Variants in RBMS3 observed in about 807,000 individuals in gnomAD.
RBMS3 encodes RNA binding motif single stranded interacting protein 3.
Under a neutral mutation model 66.8 loss-of-function variants are expected in RBMS3, and 27 were observed. The observed-to-expected ratio is 0.40, with a 90% CI of 0.30 to 0.56. The LOEUF (loss-of-function observed/expected upper bound fraction) is 0.56. RBMS3 is among the 20% of genes least tolerant of loss of function. The pLI, the probability that RBMS3 is intolerant of heterozygous loss-of-function variation, is 0.40. For missense variants in RBMS3, 513 were observed against 549.5 expected (o/e 0.93, Z 0.66); for synonymous variants, 188 against 183.0 (o/e 1.03, Z -0.22).
intron 3 of RBMS3, among the ~76,000 whole-genome samples, chr3:29,524,283 AATC>A (rs1283209799): frequency 6.6e-6 from 1 of 152,102 alleles, no homozygotes; most frequent in Non-Finnish European, 1.5e-5. Context: ...CATAACATGA[AATC>A]ATGCTGTGAT....
chr3:29,858,180 A>AT (rs112614150), intron 6 of RBMS3, among the ~76,000 whole-genome samples: 2 of 152,098 alleles, frequency 1.3e-5, no homozygotes, highest in Non-Finnish European at 2.9e-5. Flanking sequence ...GAATTTACTA[A>AT]TTTTTTACAT....
At chr3:29,844,375 A>G (rs2058730880) in intron 6 of RBMS3, among the ~76,000 whole-genome samples, 2 of 152,250 alleles carry the variant, frequency 1.3e-5, no homozygotes, top group Admixed American at 1.3e-4. Context: ...AGGCTAGTCA[A>G]TAAAGTCTCA....
At chr3:29,636,179 T>A (rs2049466796) in intron 4 of RBMS3, among the ~76,000 whole-genome samples, 1 of 151,796 alleles carries the variant, frequency 6.6e-6, no homozygotes. Context: ...TGTCCAGTTC[T>A]GAGCATTTTA....
intron 8 of RBMS3, among the ~76,000 whole-genome samples, chr3:29,886,987 G>C (rs1395913003): frequency 6.6e-6 from 1 of 151,700 alleles, no homozygotes; most frequent in Non-Finnish European, 1.5e-5. Flanking sequence ...TGGTGAATAA[G>C]ACACACCCAG....
At chr3:29,572,012 A>G (rs1037484041) in intron 3 of RBMS3, among the ~76,000 whole-genome samples, 1 of 152,000 alleles carries the variant, frequency 6.6e-6, no homozygotes, top group Non-Finnish European at 1.5e-5. Context: ...ATTAATTCCT[A>G]AGTATTTAAT....
intron 4 of RBMS3, among the ~76,000 whole-genome samples, chr3:29,665,967 T>C (rs1159469322): frequency 1.3e-5 from 2 of 152,210 alleles, no homozygotes; most frequent in Admixed American, 1.3e-4. Flanking sequence ...CAGAATAATC[T>C]AAAAGGCTCG....
At chr3:29,500,098 A>G (rs1395251207) in intron 3 of RBMS3, among the ~76,000 whole-genome samples, 4 of 151,546 alleles carry the variant, frequency 2.6e-5, no homozygotes, top group African/African-American at 9.7e-5. Flanking sequence ...GAAGAATTAC[A>G]TAAGGTAGAA....
In RBMS3 at chr3:29,540,876, C is replaced by T. The variant is rs146502617; in HGVS notation, c.308-46238C>T. Among the ~76,000 whole-genome samples, 5 of 152,274 alleles carry T rather than the reference C, an allele frequency of 3.3e-5. No homozygotes were observed. In the East Asian group the frequency reaches 7.7e-4, roughly 24 times the overall value. On this transcript the variant is annotated intron_variant, in intron 3 of 14. Transcript: ENST00000383767. ...AGTGGTGATGCAGCTTTGGGCTCATCGCAATTTAACATAGGGATGGATTTC... is the reference window on the plus strand; with the variant it reads ...AGTGGTGATGCAGCTTTGGGCTCATTGCAATTTAACATAGGGATGGATTTC...
chr3:29,798,545 A>C (rs1220530780), intron 6 of RBMS3, among the ~76,000 whole-genome samples: 2 of 152,182 alleles, frequency 1.3e-5, no homozygotes, highest in Non-Finnish European at 2.9e-5. Context: ...ATTGGCAAAC[A>C]AACCAACACA....
chr3:29,362,647 A>T (rs1447483100), intron 1 of RBMS3, among the ~76,000 whole-genome samples: 2 of 152,184 alleles, frequency 1.3e-5, no homozygotes, highest in African/African-American at 4.8e-5. Context: ...AGCTGATCCT[A>T]TTCTACCATC....
At chr3:29,813,530 G>A (rs1269253693) in intron 6 of RBMS3, among the ~76,000 whole-genome samples, 1 of 152,088 alleles carries the variant, frequency 6.6e-6, no homozygotes, top group Non-Finnish European at 1.5e-5. Context: ...GTCATTGGTA[G>A]CTTGATGGGG....
intron 6 of RBMS3, among the ~76,000 whole-genome samples, chr3:29,840,621 C>T (rs1480786724): frequency 6.6e-6 from 1 of 151,948 alleles, no homozygotes; most frequent in Non-Finnish European, 1.5e-5. Context: ...GTGAACCACT[C>T]GAAATGGTCT....
At chr3:29,529,776 G>T (rs2148990845) in intron 3 of RBMS3, among the ~76,000 whole-genome samples, 1 of 152,188 alleles carries the variant, frequency 6.6e-6, no homozygotes, top group East Asian at 1.9e-4. Context: ...TGAACTGGAA[G>T]CAAAATTCAC....
intron 12 of RBMS3, among the ~76,000 whole-genome samples, chr3:29,981,196 T>C (rs1697963453): frequency 6.6e-6 from 1 of 152,236 alleles, no homozygotes; most frequent in Non-Finnish European, 1.5e-5. Context: ...TTTGTAGCAA[T>C]TGTGAATAGG....
intron 4 of RBMS3, among the ~76,000 whole-genome samples, chr3:29,635,835 C>T (rs2049452507): frequency 6.6e-6 from 1 of 151,842 alleles, no homozygotes; most frequent in Non-Finnish European, 1.5e-5. Flanking sequence ...CTCTCCTCCT[C>T]CGTCCCTTTC....
chr3:29,785,116 A>C (rs1046715612), intron 6 of RBMS3, among the ~76,000 whole-genome samples: 1 of 152,138 alleles, frequency 6.6e-6, no homozygotes, highest in Non-Finnish European at 1.5e-5. Flanking sequence ...TGCCAGTCCT[A>C]TTGACACTAT....
intron 3 of RBMS3, among the ~76,000 whole-genome samples, chr3:29,582,173 G>GATAGAT (rs2047353375): frequency 6.7e-6 from 1 of 149,974 alleles, no homozygotes; most frequent in Non-Finnish European, 1.5e-5. Flanking sequence ...TAGATAGATA[G>GATAGAT]ATAGATAGAT....
intron 3 of RBMS3, among the ~76,000 whole-genome samples, chr3:29,571,488 A>G (rs1824223): frequency 0.15 from 22,603 of 152,178 alleles, 1,729 homozygotes; most frequent in South Asian, 0.25. Context: ...ATTCTTCTGT[A>G]TATGGATATC....
chr3:29,760,252 A>AACAC (rs139553062), intron 5 of RBMS3, among the ~76,000 whole-genome samples: 529 of 148,418 alleles, frequency 3.6e-3, no homozygotes, highest in African/African-American at 8.2e-3. Flanking sequence ...ATGTAGAATA[A>AACAC]ACACACACAC....
Sources: allele counts gnomAD v4.1 joint callset (sites outside exome capture counted in the v4.1 genomes callset), GRCh38; gene constraint gnomAD v4.1.1; transcripts MANE v1.5; gene names NCBI Gene and HGNC (gene_info 2026-07-23, HGNC 2026-07-21).